The following UNC79 variants were observed in gnomAD, a reference collection of about 807,000 sequenced individuals.
UNC79 encodes protein unc-79 homolog.
Under a neutral mutation model 283.1 loss-of-function variants are expected in UNC79, and 37 were observed. The observed-to-expected ratio is 0.13, with a 90% CI of 0.10 to 0.17. The LOEUF (loss-of-function observed/expected upper bound fraction) is 0.17. UNC79 is among the 10% of genes least tolerant of loss of function. The pLI, the probability that UNC79 is intolerant of heterozygous loss-of-function variation, is 1.00. For synonymous variants in UNC79, 1,107 were observed against 1,200.2 expected (o/e 0.92, Z 1.61); for missense variants, 2,272 against 3,211.1 (o/e 0.71, Z 7.07).
At chr14:93,367,864 G>T (rs1166522102) in intron 1 of UNC79, among the ~76,000 whole-genome samples, 1 of 152,174 alleles carries the variant, frequency 6.6e-6, no homozygotes, top group Non-Finnish European at 1.5e-5. Flanking sequence ...TTCTTCTATG[G>T]ATGGAAATAG....
chr14:93,687,445 A>G (rs1286085604), intron 43 of UNC79, among the ~76,000 whole-genome samples: 1 of 152,218 alleles, frequency 6.6e-6, no homozygotes, highest in African/African-American at 2.4e-5. Flanking sequence ...GACAGAGGGC[A>G]GAAGAGAATC....
At chr14:93,675,300 T>C (rs189857489) in intron 41 of UNC79, among the ~76,000 whole-genome samples, 5 of 152,270 alleles carry the variant, frequency 3.3e-5, no homozygotes, top group Admixed American at 3.3e-4. Flanking sequence ...GAAGAGGAAG[T>C]GGCTAACTGA....
chr14:93,415,894 A>T (rs2055443487), intron 1 of UNC79, among the ~76,000 whole-genome samples: 2 of 152,010 alleles, frequency 1.3e-5, no homozygotes, highest in Admixed American at 6.6e-5. Flanking sequence ...TATTGCATCT[A>T]TTTGATTCTT....
At chr14:93,381,453 C>G (rs942003983) in intron 1 of UNC79, among the ~76,000 whole-genome samples, 1 of 152,158 alleles carries the variant, frequency 6.6e-6, no homozygotes, top group Non-Finnish European at 1.5e-5. Flanking sequence ...GGATGACAGG[C>G]TGTGTCTGGA....
exon 2 of UNC79, chr14:93,467,732 T>C (rs1369479031): frequency 6.9e-7 from 1 of 1,451,446 alleles, no homozygotes; most frequent in Admixed American, 2.3e-5. Context: ...ACATTTATCC[T>C]GTACCATCAG....
At chr14:93,678,383 C>T (rs553181131) in intron 41 of UNC79, among the ~76,000 whole-genome samples, 1 of 152,332 alleles carries the variant, frequency 6.6e-6, no homozygotes, top group Admixed American at 6.5e-5. Context: ...TTGCATTTCC[C>T]GTTCATTCTT....
intron 13 of UNC79, among the ~76,000 whole-genome samples, chr14:93,541,568 TTAG>T (rs774319017): frequency 2.6e-5 from 4 of 152,236 alleles, no homozygotes; most frequent in Non-Finnish European, 4.4e-5. Context: ...TTCCTAGAAG[TTAG>T]TATTTAATGA....
intron 1 of UNC79, among the ~76,000 whole-genome samples, chr14:93,458,444 A>G (rs1331136342): frequency 2.0e-5 from 3 of 152,216 alleles, no homozygotes; most frequent in Admixed American, 2.0e-4. Context: ...TGATAACACC[A>G]TGACTCAACA....
intron 5 of UNC79, among the ~76,000 whole-genome samples, chr14:93,488,424 T>C (rs2058552842): frequency 6.6e-6 from 1 of 152,222 alleles, no homozygotes; most frequent in South Asian, 2.1e-4. Context: ...GACCAAAACA[T>C]GTGCTAACAT....
chr14:93,705,648 G>A (rs2075828094), intron 48 of UNC79, among the ~76,000 whole-genome samples: 2 of 152,178 alleles, frequency 1.3e-5, no homozygotes, highest in Admixed American at 1.3e-4. Flanking sequence ...CTTGACTGGC[G>A]CTTTGTCATT....
intron 1 of UNC79, among the ~76,000 whole-genome samples, chr14:93,408,543 C>A (rs1255352616): frequency 1.3e-5 from 2 of 151,998 alleles, no homozygotes; most frequent in South Asian, 2.1e-4. Context: ...AAATAAAAAA[C>A]CAGCTGGGCA....
intron 26 of UNC79, among the ~76,000 whole-genome samples, chr14:93,607,559 G>A (rs957101003): frequency 1.3e-5 from 2 of 152,236 alleles, no homozygotes; most frequent in African/African-American, 2.4e-5. Context: ...GAGGACACCA[G>A]TCTGGTTATG....
chr14:93,608,966 A>G (rs1721469427), intron 26 of UNC79, among the ~76,000 whole-genome samples: 1 of 152,240 alleles, frequency 6.6e-6, no homozygotes, highest in South Asian at 2.1e-4. Flanking sequence ...CTATGTTCTT[A>G]TTGGAGTATT....
chr14:93,593,977 C>T (rs923323577), intron 23 of UNC79, 140 bp downstream of exon 23: 19 of 934,102 alleles, frequency 2.0e-5, no homozygotes, highest in Non-Finnish European at 2.5e-5. Context: ...TTTGGGGGTT[C>T]TGCTTTGAGC....
At chr14:93,433,748 G>A (rs1280314977) in intron 1 of UNC79, among the ~76,000 whole-genome samples, 1 of 152,124 alleles carries the variant, frequency 6.6e-6, no homozygotes, top group African/African-American at 2.4e-5. Context: ...GGTTTCACTG[G>A]TTTGACAAGT....
In UNC79 at chr14:93,702,449, A is replaced by T. The variant is rs896560441; in HGVS notation, c.7549-2176A>T. 2.6e-5 allele frequency among the ~76,000 whole-genome samples: 4 copies of T among 152,266 alleles called. 1 individual carries two copies. In the South Asian group the frequency reaches 8.3e-4, roughly 31 times the overall value. On this transcript the variant is annotated intron_variant, in intron 47 of 48. Coordinates refer to ENST00000555664, the Ensembl canonical transcript of UNC79. ...GGAATGTTTAGGAGTAAATGTCAAT[A>T]GAAGTCAAATTAGCGAATTATATAC...
chr14:93,383,806 G>A (rs920382275), intron 1 of UNC79, among the ~76,000 whole-genome samples: 2 of 152,180 alleles, frequency 1.3e-5, no homozygotes, highest in Non-Finnish European at 2.9e-5. Flanking sequence ...AACTCAGTGG[G>A]AGGTGATTGA....
chr14:93,640,897 C>T (rs1172571930), intron 32 of UNC79, among the ~76,000 whole-genome samples: 1 of 152,140 alleles, frequency 6.6e-6, no homozygotes, highest in African/African-American at 2.4e-5. Flanking sequence ...TGAGCTCTTT[C>T]TGATTTCTTT....
At chr14:93,439,128 T>A (rs2140124213) in intron 1 of UNC79, among the ~76,000 whole-genome samples, 1 of 152,284 alleles carries the variant, frequency 6.6e-6, no homozygotes, top group South Asian at 2.1e-4. Flanking sequence ...TTTCAAGATA[T>A]ACAATTGTAT....
Sources: gnomAD v4.1 joint callset for allele counts (sites outside exome capture counted in the v4.1 genomes callset) on GRCh38, gnomAD v4.1.1 for gene constraint, MANE v1.5 for transcripts, NCBI Gene and HGNC (gene_info 2026-07-23, HGNC 2026-07-21) for gene names.